Variants in PDE8B observed in about 807,000 individuals in gnomAD.
The protein encoded by PDE8B is high affinity cAMP-specific and IBMX-insensitive 3',5'-cyclic phosphodiesterase 8B.
A neutral mutation model predicts 101.3 loss-of-function variants in PDE8B; 26 were observed. The observed-to-expected ratio is 0.26, with a 90% CI of 0.19 to 0.36. The LOEUF is 0.36. Ranked by LOEUF, PDE8B falls within the 10% of genes least tolerant of loss-of-function variation. The pLI, the probability that PDE8B is intolerant of heterozygous loss-of-function variation, is 1.00. For synonymous variants in PDE8B, 424 were observed against 429.3 expected (o/e 0.99, Z 0.15); for missense variants, 810 against 1,163.1 (o/e 0.70, Z 4.42).
chr5:77,113,638 G>A, the PDE8B span: 1 of 152,178 alleles, frequency 6.6e-6, no homozygotes, highest in Non-Finnish European at 1.5e-5. Context: ...AAAAGCAATG[G>A]CAACAAAAGC....
At chr5:77,355,269 G>A (rs111662479) in intron 10 of PDE8B, among the ~76,000 whole-genome samples, 6,945 of 152,270 alleles carry the variant, frequency 0.046, 486 homozygotes, top group African/African-American at 0.15. Flanking sequence ...TGCAGAGCTC[G>A]GATACCCTGA....
intron 20 of PDE8B, among the ~76,000 whole-genome samples, chr5:77,423,617 C>CT (rs1249321731): frequency 9.4e-6 from 1 of 106,652 alleles, no homozygotes; most frequent in Non-Finnish European, 2.0e-5. Context: ...TGATGCTGGA[C>CT]TTTTGTTTTG....
In PDE8B at chr5:77,332,036, C is replaced by T. The variant is rs562576989; in HGVS notation, c.708+577C>T. ...GAAACTCACTAACAAACTAAATAACCAAGCTCACCCAGCATCTCAGGGTAG... is the reference window on the plus strand; with the variant it reads ...GAAACTCACTAACAAACTAAATAACTAAGCTCACCCAGCATCTCAGGGTAG... On this transcript the variant is annotated intron_variant, in intron 5 of 21. Coordinates refer to ENST00000264917, the MANE Select transcript of PDE8B (RefSeq NM_003719.5). Among the ~76,000 whole-genome samples, 4 of 152,220 alleles carry T rather than the reference C, an allele frequency of 2.6e-5. No individual in the cohort carries two copies. In the South Asian group the frequency reaches 8.3e-4, roughly 32 times the overall value.
intron 1 of PDE8B, among the ~76,000 whole-genome samples, chr5:77,306,801 A>G (rs1322386733): frequency 1.3e-5 from 2 of 152,210 alleles, no homozygotes; most frequent in African/African-American, 2.4e-5. Context: ...TGCCTCTTCC[A>G]TCTGCCTACC....
the PDE8B span, among the ~76,000 whole-genome samples, chr5:77,119,999 T>TAAACAAAACA: frequency 1.5e-4 from 23 of 150,886 alleles, no homozygotes; most frequent in Admixed American, 9.9e-4. Flanking sequence ...ACCTTGTTTC[T>TAAACAAAACA]AAACAAAACA....
At position 77,331,006 on chromosome 5, in the gene PDE8B, C is replaced by A. The variant is rs576048751; in HGVS notation, c.651-396C>A. ...TTCCTCATGTTGAGAGCTGGACCAGCTCGGTTTTGGTGTGGGAGTCATACT... is the reference window on the plus strand; with the variant it reads ...TTCCTCATGTTGAGAGCTGGACCAGATCGGTTTTGGTGTGGGAGTCATACT... On this transcript the variant is annotated intron_variant, in intron 4 of 21. Transcript: ENST00000264917. Among the ~76,000 whole-genome samples the A allele has an allele frequency of 2.0e-5, 3 of 152,308 alleles. No homozygotes were observed. In the South Asian group the frequency reaches 6.2e-4, roughly 32 times the overall value.
intron 1 of PDE8B, among the ~76,000 whole-genome samples, chr5:77,222,768 C>T (rs2149441743): frequency 6.6e-6 from 1 of 152,194 alleles, no homozygotes; most frequent in African/African-American, 2.4e-5. Flanking sequence ...GAACTGTGAG[C>T]CTGAGGGGTA....
chr5:77,411,357 T>C (rs6871774), intron 14 of PDE8B, among the ~76,000 whole-genome samples: 1,958 of 152,336 alleles, frequency 0.013, 52 homozygotes, highest in African/African-American at 0.045. Context: ...GTCACTCCTG[T>C]GATTTCACCT....
chr5:77,259,359 C>G (rs79187476), intron 1 of PDE8B, among the ~76,000 whole-genome samples: 1 of 152,072 alleles, frequency 6.6e-6, no homozygotes, highest in Non-Finnish European at 1.5e-5. Flanking sequence ...AAGCTTCTCT[C>G]GCTATCTTCT....
intron 1 of PDE8B, among the ~76,000 whole-genome samples, chr5:77,232,634 C>T (rs1753803676): frequency 6.6e-6 from 1 of 152,182 alleles, no homozygotes; most frequent in South Asian, 2.1e-4. Flanking sequence ...TTTGTGCTAA[C>T]CGAGTGACCT....
intron 10 of PDE8B, among the ~76,000 whole-genome samples, chr5:77,360,622 A>T (rs1044233982): frequency 6.6e-6 from 1 of 152,218 alleles, no homozygotes; most frequent in Non-Finnish European, 1.5e-5. Flanking sequence ...GATGGATGAG[A>T]CTGAAGTCAC....
At chr5:77,093,894 A>G in the PDE8B span, among the ~76,000 whole-genome samples, 1 of 152,098 alleles carries the variant, frequency 6.6e-6, no homozygotes, top group African/African-American at 2.4e-5. Context: ...ACTGTGGATT[A>G]TGTCTCCTGC....
intron 10 of PDE8B, among the ~76,000 whole-genome samples, chr5:77,356,250 G>A (rs186304516): frequency 1.0e-3 from 157 of 152,148 alleles, no homozygotes; most frequent in Non-Finnish European, 1.7e-3. Context: ...ATACTGGTGC[G>A]GACACGAGAA....
chr5:77,109,583 T>C, the PDE8B span, among the ~76,000 whole-genome samples: 1 of 152,168 alleles, frequency 6.6e-6, no homozygotes, highest in African/African-American at 2.4e-5. Context: ...CTCAAGCCCA[T>C]CTCTACCTGG....
the PDE8B span, among the ~76,000 whole-genome samples, chr5:77,174,483 A>C: frequency 4.0e-5 from 6 of 151,692 alleles, no homozygotes; most frequent in African/African-American, 1.5e-4. Flanking sequence ...TCTCTCCTCC[A>C]CTGGTCTTCA....
At chr5:77,354,708 C>G (rs1418875941) in intron 10 of PDE8B, among the ~76,000 whole-genome samples, 1 of 152,168 alleles carries the variant, frequency 6.6e-6, no homozygotes, top group Non-Finnish European at 1.5e-5. Flanking sequence ...AAGCACAGTT[C>G]ATGTCCAGTT....
rs58802156 is a variant in PDE8B, at chr5:77,396,376, A to G, written c.1168-3872A>G. Among the ~76,000 whole-genome samples the G allele has an allele frequency of 8.5e-3, 1,299 of 152,336 alleles. 24 individuals carry two copies. The highest frequency in any genetic ancestry group is 0.029 in the African/African-American group (1,202 of 41,568). Reference sequence around the variant, plus strand: ...GAGCTTGGTGCAGCCTCAAGGCCCAATCTGGCACTCTTATTTTAGCTTTTA... The same window carrying G: ...GAGCTTGGTGCAGCCTCAAGGCCCAGTCTGGCACTCTTATTTTAGCTTTTA... On this transcript the variant is annotated intron_variant, in intron 10 of 21. Coordinates refer to ENST00000264917, the MANE Select transcript of PDE8B (RefSeq NM_003719.5).
chr5:77,295,003 G>C (rs1490506671), intron 1 of PDE8B, among the ~76,000 whole-genome samples: 2 of 151,568 alleles, frequency 1.3e-5, no homozygotes, highest in Non-Finnish European at 2.9e-5. Context: ...CAATCCAAAA[G>C]GACAACATCA....
the PDE8B span, among the ~76,000 whole-genome samples, chr5:77,135,490 T>G: frequency 6.7e-6 from 1 of 150,002 alleles, no homozygotes; most frequent in African/African-American, 2.5e-5. Flanking sequence ...TTTTTTTTTT[T>G]TTTTTTGAGA....
Sources: gnomAD v4.1 joint callset for allele counts (sites outside exome capture counted in the v4.1 genomes callset) on GRCh38, gnomAD v4.1.1 for gene constraint, MANE v1.5 for transcripts, NCBI Gene and HGNC (gene_info 2026-07-23, HGNC 2026-07-21) for gene names.